UBE2E3: variants seen among roughly 807,000 people sequenced by gnomAD.
The protein encoded by UBE2E3 is ubiquitin-conjugating enzyme E2 E3.
A neutral mutation model predicts 23.6 loss-of-function variants in UBE2E3; 5 were observed. The observed-to-expected ratio is 0.21, with a 90% CI of 0.11 to 0.44. The LOEUF is 0.44. UBE2E3 is among the 20% of genes least tolerant of loss of function. The pLI, the probability that UBE2E3 is intolerant of heterozygous loss-of-function variation, is 0.99. For missense variants in UBE2E3, 81 were observed against 249.8 expected, an observed-to-expected ratio of 0.32 and a Z score of 4.55; for synonymous variants, 78 against 87.5, an observed-to-expected ratio of 0.89 and a Z score of 0.60.
intron 3 of UBE2E3, among the ~76,000 whole-genome samples, chr2:181,047,890 T>C (rs1213075938): frequency 6.6e-6 from 1 of 152,134 alleles, no homozygotes; most frequent in Admixed American, 6.6e-5. Flanking sequence ...TAAAGACAAG[T>C]CTCCTTCATG....
chr2:181,000,027 G>A (rs772656501), intron 3 of UBE2E3, among the ~76,000 whole-genome samples: 2 of 152,278 alleles, frequency 1.3e-5, no homozygotes, highest in Non-Finnish European at 1.5e-5. Context: ...CAGTGATACA[G>A]AATAAAGAAT....
intron 3 of UBE2E3, among the ~76,000 whole-genome samples, chr2:181,032,381 T>C (rs1301664770): frequency 6.6e-6 from 1 of 152,196 alleles, no homozygotes; most frequent in Middle Eastern, 3.2e-3. Context: ...ATATTATCCT[T>C]TTATATACAT....
At chr2:180,980,381 G>A (rs1487405188), upstream of UBE2E3, 6 of 151,754 alleles carry the variant, frequency 4.0e-5, no homozygotes, top group African/African-American at 1.2e-4. The surrounding 1 kb of genome is among the most constrained non-coding windows in gnomAD (Gnocchi z 5.5). Context: ...CGCGGCCAAG[G>A]GCGGCAGGGG....
chr2:181,019,226 C>G (rs951811092), intron 3 of UBE2E3, among the ~76,000 whole-genome samples: 1 of 152,160 alleles, frequency 6.6e-6, no homozygotes, highest in African/African-American at 2.4e-5. Flanking sequence ...TCCCAAAATG[C>G]TGGGATTACA....
rs147303156 is a variant in UBE2E3 at position 181,053,950 on chromosome 2, A to G, written c.246-3743A>G. On this transcript the variant is annotated intron_variant, in intron 3 of 5. Coordinates refer to ENST00000410062, the MANE Select transcript of UBE2E3 (RefSeq NM_006357.4). ...ATATAGATGGAGTCATACAGTATGT[A>G]GCCTTTTCATATTGGGTTCTCCCAC... 3.1e-3 allele frequency among the ~76,000 whole-genome samples: 470 copies of G among 151,946 alleles called. 3 individuals carry two copies. Among genetic ancestry groups the G allele is most frequent in the South Asian group, 0.013 (64 of 4,818 alleles).
At position 181,000,841 on chromosome 2, in the gene UBE2E3, A is replaced by C. The variant is rs576975825; in HGVS notation, c.245+16748A>C. Among the ~76,000 whole-genome samples the C allele has an allele frequency of 2.0e-5, 3 of 152,342 alleles. No homozygotes were observed. The South Asian group carries it at 6.2e-4, about 32-fold the overall frequency. ...AGTGAGAGTAACTTTTTAAATTCAT[A>C]AGCAAAATCGTAAAGGCATTGATTG... On this transcript the variant is annotated intron_variant, in intron 3 of 5. Transcript: ENST00000410062.
chr2:181,019,998 T>C (rs888764622), intron 3 of UBE2E3, among the ~76,000 whole-genome samples: 22 of 152,302 alleles, frequency 1.4e-4, no homozygotes, highest in South Asian at 1.0e-3. Flanking sequence ...TATCTCCCCA[T>C]TTCCCCATAC....
At chr2:181,062,022 T>G (rs1027421631) in intron 5 of UBE2E3, among the ~76,000 whole-genome samples, 1 of 151,624 alleles carries the variant, frequency 6.6e-6, no homozygotes, top group South Asian at 2.1e-4. Flanking sequence ...ATATTAAGTA[T>G]AAAAGGCACT....
intron 4 of UBE2E3, 113 bp from the exon 5 acceptor site, chr2:181,060,552 C>T (rs1422123997): frequency 1.9e-6 from 2 of 1,073,708 alleles, no homozygotes; most frequent in Non-Finnish European, 2.5e-6. Context: ...AAGTTTAGCT[C>T]CAGTCAAATA....
intron 3 of UBE2E3, 74 bp downstream of exon 3, chr2:180,984,167 T>A: frequency 7.4e-7 from 1 of 1,353,664 alleles, no homozygotes. Context: ...TGTCTGGATA[T>A]GTGTGCAGCA....
intron 3 of UBE2E3, among the ~76,000 whole-genome samples, chr2:181,026,350 A>G (rs1265438562): frequency 3.4e-4 from 51 of 151,876 alleles, no homozygotes; most frequent in Middle Eastern, 3.4e-3. Context: ...ATAATGAATA[A>G]ACCCTAGGTA....
intron 3 of UBE2E3, among the ~76,000 whole-genome samples, chr2:181,002,459 A>G (rs1303372480): frequency 6.6e-6 from 1 of 152,196 alleles, no homozygotes; most frequent in South Asian, 2.1e-4. Context: ...AGGAATGATT[A>G]CGAACGAAGA....
intron 3 of UBE2E3, among the ~76,000 whole-genome samples, chr2:181,024,344 A>G (rs1040384012): frequency 6.6e-6 from 1 of 152,134 alleles, no homozygotes; most frequent in Admixed American, 6.6e-5. Flanking sequence ...CGATTCTACC[A>G]TCCTATTATC....
In UBE2E3 at chr2:180,982,173, A is replaced by T. The variant is rs746491983; in HGVS notation, c.131A>T (p.Gln44Leu). ...EQEERKPSATQQKKNTKLSSK... is the reference protein window; with the variant it reads ...EQEERKPSATLQKKNTKLSSK... Reference sequence around the variant, plus strand: ...GAGGAAAGAAAACCTTCTGCCACCCAGCAGAAGAAAAACACCAAACTCTCT... The same window carrying T: ...GAGGAAAGAAAACCTTCTGCCACCCTGCAGAAGAAAAACACCAAACTCTCT... Residue 44 changes from glutamine (Q) to leucine (L), a missense_variant, in exon 2 of 6, where the codon CAG becomes CTG. Transcript: ENST00000410062. The T allele has an allele frequency of 1.2e-6, 2 of 1,612,502 alleles. No homozygotes were observed. Among genetic ancestry groups the T allele is most frequent in the East Asian group, 4.5e-5 (2 of 44,864 alleles).
intron 3 of UBE2E3, among the ~76,000 whole-genome samples, chr2:181,029,594 A>G (rs900451134): frequency 1.3e-4 from 20 of 149,484 alleles, no homozygotes; most frequent in African/African-American, 4.7e-4. Flanking sequence ...CCTTGTATAA[A>G]TGTTCTTTTT....
chr2:181,056,947 G>A (rs555429052), intron 3 of UBE2E3, among the ~76,000 whole-genome samples: 1 of 151,830 alleles, frequency 6.6e-6, no homozygotes, highest in East Asian at 2.0e-4. Flanking sequence ...ATTTCAGCCA[G>A]ACACCTACTA....
At chr2:181,004,986 A>G (rs754565247) in intron 3 of UBE2E3, among the ~76,000 whole-genome samples, 3 of 152,254 alleles carry the variant, frequency 2.0e-5, no homozygotes, top group East Asian at 1.9e-4. Context: ...CTGTCAGCCT[A>G]TAAGACAAAC....
chr2:181,021,582 C>CCCTTCCTT (rs1276580326), intron 3 of UBE2E3, among the ~76,000 whole-genome samples: 4 of 58,228 alleles, frequency 6.9e-5, no homozygotes, highest in Admixed American at 2.3e-4. Flanking sequence ...CTCCCTCCCT[C>CCCTTCCTT]CCTTCCTTCC....
intron 3 of UBE2E3, among the ~76,000 whole-genome samples, chr2:181,053,680 G>C (rs1018002934): frequency 1.3e-5 from 2 of 151,686 alleles, no homozygotes; most frequent in Non-Finnish European, 2.9e-5. Flanking sequence ...CATTCCAATC[G>C]ATAAACCTAC....
Sources: gnomAD v4.1 joint callset for allele counts (sites outside exome capture counted in the v4.1 genomes callset) on GRCh38, gnomAD v4.1.1 for gene constraint, Gnocchi (gnomAD v3.1) non-coding constraint, MANE v1.5 for transcripts, NCBI Gene and HGNC (gene_info 2026-07-23, HGNC 2026-07-21) for gene names.